CYP2C19: variants seen among roughly 807,000 people sequenced by gnomAD.
CYP2C19 encodes cytochrome P450 2C19.
A neutral mutation model predicts 40.9 loss-of-function variants in CYP2C19; 59 were observed. That is an observed-to-expected ratio of 1.44 (90% CI 1.17 to 1.79). CYP2C19 has a LOEUF of 1.79. Ranked by LOEUF, CYP2C19 falls within the 40% of genes most tolerant of loss-of-function variation. CYP2C19 has a pLI of 0.00. For synonymous variants in CYP2C19, 253 were observed against 208.7 expected, an observed-to-expected ratio of 1.21 and a Z score of -1.83; for missense variants, 754 against 596.9, an observed-to-expected ratio of 1.26 and a Z score of -2.74.
At chr10:94,803,914 G>A (rs980174877) in intron 5 of CYP2C19, among the ~76,000 whole-genome samples, 9 of 152,170 alleles carry the variant, frequency 5.9e-5, no homozygotes, top group Admixed American at 2.0e-4. Flanking sequence ...GGAGCAGAGA[G>A]GGCCCCCTTG....
At chr10:94,776,021 G>A (rs1848403355) in intron 3 of CYP2C19, 1 of 170,208 alleles carries the variant, frequency 5.9e-6, no homozygotes, top group Non-Finnish European at 1.3e-5. Flanking sequence ...CTTGTCTAGG[G>A]TTTCTTTTAG....
intron 8 of CYP2C19, 108 bp from the exon 9 acceptor site, chr10:94,852,625 C>A: frequency 8.3e-7 from 1 of 1,205,084 alleles, no homozygotes; most frequent in Non-Finnish European, 1.2e-6. Flanking sequence ...TCCTATGATT[C>A]ACCGAACAGT....
chr10:94,797,386 C>A (rs546074881), intron 5 of CYP2C19, among the ~76,000 whole-genome samples: 1 of 152,008 alleles, frequency 6.6e-6, no homozygotes, highest in Non-Finnish European at 1.5e-5. Flanking sequence ...CTGCTGGATT[C>A]GGTTTGCCAG....
intron 5 of CYP2C19, among the ~76,000 whole-genome samples, chr10:94,812,938 A>G (rs1184448169): frequency 6.6e-6 from 1 of 151,330 alleles, no homozygotes; most frequent in African/African-American, 2.4e-5. Flanking sequence ...GGAGGAGAAG[A>G]GATGTTCTGG....
At chr10:94,790,975 C>T (rs1462343083) in intron 5 of CYP2C19, among the ~76,000 whole-genome samples, 1 of 152,102 alleles carries the variant, frequency 6.6e-6, no homozygotes, top group Non-Finnish European at 1.5e-5. Flanking sequence ...TGGTGGAATT[C>T]AGCTGTGAAT....
intron 6 of CYP2C19, among the ~76,000 whole-genome samples, chr10:94,837,230 AG>A (rs1189144429): frequency 1.3e-5 from 2 of 152,260 alleles, no homozygotes; most frequent in South Asian, 4.1e-4. Flanking sequence ...GGAGTATTGC[AG>A]GGGCTATTGC....
chr10:94,808,906 G>T (rs1848873696), intron 5 of CYP2C19, among the ~76,000 whole-genome samples: 2 of 152,092 alleles, frequency 1.3e-5, no homozygotes, highest in Non-Finnish European at 2.9e-5. Flanking sequence ...TGGGAGTGTA[G>T]ATATCTCTTC....
At chr10:94,822,477 A>T (rs1351088076) in intron 6 of CYP2C19, among the ~76,000 whole-genome samples, 2 of 152,158 alleles carry the variant, frequency 1.3e-5, no homozygotes, top group African/African-American at 4.8e-5. Context: ...TCTACTGTTG[A>T]TGGGCACTTA....
chr10:94,777,225 C>T (rs1475006195), intron 3 of CYP2C19, among the ~76,000 whole-genome samples: 1 of 152,070 alleles, frequency 6.6e-6, no homozygotes, highest in East Asian at 1.9e-4. Context: ...GGCCATATTG[C>T]CAAAAGTAAT....
Position 94,853,124 on chromosome 10 carries a change from G to T in CYP2C19, c.*210G>T. On this transcript the variant is annotated 3_prime_UTR_variant, in exon 9 of 9. Coordinates refer to ENST00000371321, the MANE Select transcript of CYP2C19 (RefSeq NM_000769.4). ...ATACTCTATAATAGTTACATTGAGT[G>T]CCACATAATGCTGATACTTGTCTAA... The T allele has an allele frequency of 3.5e-6, 2 of 567,454 alleles. No homozygotes were observed. Among genetic ancestry groups the T allele is most frequent in the Non-Finnish European group, 6.2e-6 (2 of 323,784 alleles). 35.2% of individuals were successfully genotyped at this position (567,454 alleles called of 1,614,324 possible).
chr10:94,775,349 G>C lies in CYP2C19; in HGVS notation c.332-41G>C, dbSNP rs377056911. The stretch of plus-strand genomic sequence containing the variant: ...GCCCAGTGTCAGCTTCCTCTTTCTT[G>C]CCTGGGATCTCCCTCCTAGTTTCGT... On this transcript the variant is annotated intron_variant, in intron 2 of 8. Coordinates refer to ENST00000371321, the MANE Select transcript of CYP2C19 (RefSeq NM_000769.4). 328 of 1,612,640 alleles carry C rather than the reference G, an allele frequency of 2.0e-4. No homozygotes were observed. Among genetic ancestry groups the C allele is most frequent in the Non-Finnish European group, 2.6e-4 (301 of 1,179,966 alleles).
intron 1 of CYP2C19, among the ~76,000 whole-genome samples, chr10:94,772,157 C>A (rs1848342281): frequency 6.6e-6 from 1 of 152,048 alleles, no homozygotes; most frequent in African/African-American, 2.4e-5. Context: ...AAGTGTGATG[C>A]CTTTTGTCCT....
At chr10:94,839,242 C>T (rs1315365508) in intron 6 of CYP2C19, among the ~76,000 whole-genome samples, 2 of 152,192 alleles carry the variant, frequency 1.3e-5, no homozygotes, top group Admixed American at 1.3e-4. Flanking sequence ...GGGGCCCTGG[C>T]TGCTGGATTC....
intron 5 of CYP2C19, among the ~76,000 whole-genome samples, chr10:94,820,234 T>C (rs1046463130): frequency 1.3e-5 from 2 of 151,948 alleles, no homozygotes; most frequent in Non-Finnish European, 2.9e-5. Context: ...ATTGATGGGA[T>C]GTATTTCAAA....
chr10:94,818,867 T>C lies in CYP2C19; in HGVS notation c.820-1629T>C, dbSNP rs541198711. On this transcript the variant is annotated intron_variant, in intron 5 of 8. Transcript: ENST00000371321. ...ACAATTTGACTTCCTCTTTTCCTAATTGAATCCCCTTTATTTCCTTCTCCT... is the reference window on the plus strand; with the variant it reads ...ACAATTTGACTTCCTCTTTTCCTAACTGAATCCCCTTTATTTCCTTCTCCT... Among the ~76,000 whole-genome samples, 348 of 152,176 alleles carry C rather than the reference T, an allele frequency of 2.3e-3. 2 individuals are homozygous for C. Among genetic ancestry groups the C allele is most frequent in the Non-Finnish European group, 4.3e-3 (289 of 67,988 alleles).
intron 6 of CYP2C19, among the ~76,000 whole-genome samples, chr10:94,835,293 T>A (rs561819557): frequency 6.6e-6 from 1 of 152,330 alleles, no homozygotes; most frequent in African/African-American, 2.4e-5. Flanking sequence ...GGCCATCTGA[T>A]GGGTGCTATC....
chr10:94,817,532 C>T (rs1487069657), intron 5 of CYP2C19, among the ~76,000 whole-genome samples: 4 of 145,170 alleles, frequency 2.8e-5, no homozygotes, highest in Admixed American at 2.1e-4. Context: ...TGTAGGTTGC[C>T]TGTTCACTCT....
At chr10:94,762,954 C>A in intron 1 of CYP2C19, 81 bp downstream of exon 1, 2 of 1,392,466 alleles carry the variant, frequency 1.4e-6, no homozygotes, top group Non-Finnish European at 2.0e-6. Flanking sequence ...CCTAGAGGTA[C>A]AATGTTACAA....
chr10:94,779,715 C>A (rs1848458218), intron 3 of CYP2C19, among the ~76,000 whole-genome samples: 2 of 151,784 alleles, frequency 1.3e-5, no homozygotes, highest in African/African-American at 2.4e-5. Flanking sequence ...CACCCACCAC[C>A]ACACTCGACT....
Sources: gnomAD v4.1 joint callset for allele counts (sites outside exome capture counted in the v4.1 genomes callset) on GRCh38, gnomAD v4.1.1 for gene constraint, MANE v1.5 for transcripts, NCBI Gene and HGNC (gene_info 2026-07-23, HGNC 2026-07-21) for gene names.